CCDC40: variants seen among roughly 807,000 people sequenced by gnomAD.
CCDC40 encodes the protein coiled-coil domain 40 molecular ruler complex subunit.
A neutral mutation model predicts 124.5 loss-of-function variants in CCDC40; 104 were observed. The ratio of observed to expected loss-of-function variants is 0.84; its 90% CI spans 0.71 to 0.98. The LOEUF (loss-of-function observed/expected upper bound fraction) is 0.98, where lower values mean the gene tolerates loss of function less well. CCDC40 is among the 50% of genes least tolerant of loss of function. CCDC40 has a pLI of 0.00. For synonymous variants in CCDC40, 580 were observed against 602.9 expected, an observed-to-expected ratio of 0.96 and a Z score of 0.56; for missense variants, 1,463 against 1,503.9, an observed-to-expected ratio of 0.97 and a Z score of 0.45.
chr17:80,058,991 TC>T lies in CCDC40; in HGVS notation c.1440+15del. The T allele has an allele frequency of 6.2e-7, 1 of 1,614,078 alleles. No homozygotes were observed. The highest frequency in any genetic ancestry group is 8.5e-7 in the Non-Finnish European group (1 of 1,179,994). ...AAAGCAGTGAGTGAGGTAAAAGCAG[TC>T]CCCGCAGCTCTCAGTGTTCGACCCT... On this transcript the variant is annotated intron_variant, in intron 9 of 19. Coordinates refer to ENST00000397545, the MANE Select transcript of CCDC40 (RefSeq NM_017950.4). The surrounding 1 kb of genome is among the most constrained non-coding windows in gnomAD (Gnocchi z 4.2).
chr17:80,075,716 T>G (rs1453593107), intron 10 of CCDC40, among the ~76,000 whole-genome samples: 2 of 151,944 alleles, frequency 1.3e-5, no homozygotes, highest in African/African-American at 4.8e-5. Flanking sequence ...TGACCTCAGG[T>G]GATCTGCCTG....
chr17:80,098,415 G>A (rs1439288034), intron 19 of CCDC40, among the ~76,000 whole-genome samples: 3 of 152,268 alleles, frequency 2.0e-5, no homozygotes. Context: ...TGGATGCGGG[G>A]GGCACCTGGG....
chr17:80,090,043 C>G (rs1034836164), intron 17 of CCDC40, 159 bp downstream of exon 17: 4 of 1,536,264 alleles, frequency 2.6e-6, no homozygotes, highest in Admixed American at 2.0e-5. Context: ...GGGAGCGACC[C>G]GCTCCAGCAG....
At position 80,038,129 on chromosome 17, in the gene CCDC40, T is replaced by A; in HGVS notation, c.36T>A (p.His12Gln). 1 of 1,609,580 alleles carries A rather than the reference T, an allele frequency of 6.2e-7. No individual in the cohort carries two copies. The highest frequency in any genetic ancestry group is 8.5e-7 in the Non-Finnish European group (1 of 1,176,276). ...AEPGGAAGRS[H>Q]PEDGSASEGE... ...ATTGTTTCTCTAAAACCAGGTCCCA[T>A]CCGGAAGATGGATCGGCTTCTGAGG... The change falls in exon 2 of 20, where the codon CAT becomes CAA. Residue 12 changes from histidine (H) to glutamine (Q), a missense_variant. Coordinates refer to ENST00000397545, the MANE Select transcript of CCDC40 (RefSeq NM_017950.4).
chr17:80,090,456 TGC>T (rs2038703977), intron 17 of CCDC40: 10 of 1,421,392 alleles, frequency 7.0e-6, no homozygotes, highest in Non-Finnish European at 9.3e-6. Context: ...CACAAGCACG[TGC>T]ATGAACAACA....
At position 80,075,275 on chromosome 17, in the gene CCDC40, CTTT is replaced by C. The variant is rs71163915; in HGVS notation, c.1563-6254_1563-6252del. Among the ~76,000 whole-genome samples the C allele has an allele frequency of 5.3e-3, 566 of 107,384 alleles. 18 individuals carry two copies. The highest frequency in any genetic ancestry group is 0.018 in the African/African-American group (480 of 26,334). The allele number at this position is 107,384 out of a possible 152,430, so 70.4% of individuals were successfully genotyped here. On this transcript the variant is annotated intron_variant, in intron 10 of 19. Transcript: ENST00000397545. Reference sequence around the variant, plus strand: ...CCACCGTGCCTGGCCCAAAATATTACTTTTTTTTTTTTTTTTTTTGAGGTGGAG... The same window carrying C: ...CCACCGTGCCTGGCCCAAAATATTACTTTTTTTTTTTTTTTTGAGGTGGAG...
At chr17:80,060,370 C>T (rs1297752003) in intron 9 of CCDC40, among the ~76,000 whole-genome samples, 1 of 151,742 alleles carries the variant, frequency 6.6e-6, no homozygotes, top group East Asian at 1.9e-4. Flanking sequence ...TGGTGAGACC[C>T]TGTCTCCACA....
intron 17 of CCDC40, chr17:80,090,647 A>C: frequency 1.4e-6 from 2 of 1,441,570 alleles, no homozygotes; most frequent in Non-Finnish European, 1.8e-6. Flanking sequence ...GAGCACCCCC[A>C]TCTCATCCTT....
intron 2 of CCDC40, among the ~76,000 whole-genome samples, chr17:80,038,958 T>C (rs1374180887): frequency 6.6e-6 from 1 of 152,264 alleles, no homozygotes; most frequent in East Asian, 1.9e-4. Context: ...ATTTTCTTCC[T>C]ACCCCATTCT....
At chr17:80,096,163 A>G (rs926525313) in intron 18 of CCDC40, among the ~76,000 whole-genome samples, 1 of 152,184 alleles carries the variant, frequency 6.6e-6, no homozygotes, top group African/African-American at 2.4e-5. Flanking sequence ...TAAATGTGAC[A>G]GCAACCACAG....
Position 80,065,547 on chromosome 17 carries a change from C to A in CCDC40, c.1503C>A (p.Ser501Arg). Residue 501 changes from serine to arginine, a missense_variant, in exon 10 of 20, where the codon AGC becomes AGA. Ser to Arg is a moderately radical substitution (Grantham distance 110, BLOSUM62 -1). Coordinates refer to ENST00000397545, the MANE Select transcript of CCDC40 (RefSeq NM_017950.4). Reference sequence around the variant, plus strand: ...GGCGCATCATGCAGCAATGGGCCAGCAGCCTGGTGGGCATGAAGCACCGCG... The same window carrying A: ...GGCGCATCATGCAGCAATGGGCCAGAAGCCTGGTGGGCATGAAGCACCGCG... Reference protein sequence around the residue: ...EKRRIMQQWASSLVGMKHRDE... With the variant: ...EKRRIMQQWARSLVGMKHRDE... 1 of 1,613,106 alleles carries A rather than the reference C, an allele frequency of 6.2e-7. No individual in the cohort carries two copies. The highest frequency in any genetic ancestry group is 8.5e-7 in the Non-Finnish European group (1 of 1,179,960).
rs997238163 is a variant in CCDC40, at chr17:80,082,003, C to A, written c.1934C>A (p.Thr645Asn). The change falls in exon 12 of 20, where the codon ACC (threonine) becomes AAC (asparagine). Residue 645 changes from threonine to asparagine, a missense_variant. Coordinates refer to ENST00000397545, the MANE Select transcript of CCDC40 (RefSeq NM_017950.4). ...KLQEHMTSNK[T>N]TKYFNQLILR... is the part of the protein sequence containing the mutation. Reference sequence around the variant, plus strand: ...CAGGAGCACATGACCTCCAACAAGACCACCAAATACTTCAACCAGCTCATC... The same window carrying A: ...CAGGAGCACATGACCTCCAACAAGAACACCAAATACTTCAACCAGCTCATC... 7.4e-6 allele frequency: 12 copies of A among 1,613,740 alleles called. No individual in the cohort carries two copies. Among genetic ancestry groups the A allele is most frequent in the Non-Finnish European group, 1.0e-5 (12 of 1,179,968 alleles).
At chr17:80,075,859 C>T (rs944209258) in intron 10 of CCDC40, among the ~76,000 whole-genome samples, 7 of 152,148 alleles carry the variant, frequency 4.6e-5, no homozygotes, top group East Asian at 1.9e-4. Flanking sequence ...TTGATTGTAA[C>T]GCCTGTGGAT....
chr17:80,078,748 C>T (rs1008032770), intron 10 of CCDC40, among the ~76,000 whole-genome samples: 1 of 152,088 alleles, frequency 6.6e-6, no homozygotes, highest in African/African-American at 2.4e-5. Context: ...ATTTTGGTTA[C>T]TCTAGGTCCT....
intron 12 of CCDC40, 37 bp from the exon 13 acceptor site, chr17:80,084,706 G>C (rs754274182): frequency 1.2e-6 from 2 of 1,612,300 alleles, no homozygotes; most frequent in Non-Finnish European, 1.7e-6. Context: ...CCTTGGGTGG[G>C]GGCAATATTC....
intron 12 of CCDC40, among the ~76,000 whole-genome samples, chr17:80,084,128 G>A (rs1016331798): frequency 6.6e-6 from 1 of 152,198 alleles, no homozygotes; most frequent in African/African-American, 2.4e-5. Flanking sequence ...TGTGTGCTAC[G>A]ATTTAAGAAG....
chr17:80,071,749 T>C (rs1440452151), intron 10 of CCDC40, among the ~76,000 whole-genome samples: 7 of 151,550 alleles, frequency 4.6e-5, no homozygotes, highest in Non-Finnish European at 1.0e-4. Context: ...CATGGGAGTG[T>C]CCTGAGCACG....
intron 10 of CCDC40, among the ~76,000 whole-genome samples, chr17:80,069,263 G>T (rs369104275): frequency 2.7e-4 from 41 of 152,268 alleles, no homozygotes; most frequent in East Asian, 9.6e-4. Context: ...TGCTGCGTGG[G>T]GGGGGCGGTA....
intron 9 of CCDC40, among the ~76,000 whole-genome samples, chr17:80,063,606 AC>A (rs1250280626): frequency 6.6e-6 from 1 of 152,108 alleles, no homozygotes; most frequent in Non-Finnish European, 1.5e-5. Flanking sequence ...TTAGTGAATA[AC>A]TTACCCCCAT....
Sources: gnomAD v4.1 joint callset for allele counts (sites outside exome capture counted in the v4.1 genomes callset) on GRCh38, gnomAD v4.1.1 for gene constraint, Gnocchi (gnomAD v3.1) non-coding constraint, MANE v1.5 for transcripts, NCBI Gene and HGNC (gene_info 2026-07-23, HGNC 2026-07-21) for gene names.